NEBL: variants seen among roughly 807,000 people sequenced by gnomAD.
NEBL encodes nebulette, also known as LIM and SH3 protein 2.
NEBL carries 122 observed loss-of-function variants against 140.2 expected under a neutral mutation model. The observed-to-expected ratio is 0.87, with a 90% CI of 0.75 to 1.01. The LOEUF is 1.01. NEBL is among the 50% of genes least tolerant of loss of function. NEBL has a pLI of 0.00. For synonymous variants in NEBL, 436 were observed against 398.9 expected (o/e 1.09, Z -1.11); for missense variants, 1,365 against 1,231.3 (o/e 1.11, Z -1.62).
intron 26 of NEBL, among the ~76,000 whole-genome samples, chr10:20,794,326 T>C (rs1474054610): frequency 6.7e-6 from 1 of 148,300 alleles, no homozygotes; most frequent in East Asian, 2.1e-4. Context: ...TAGACTCTCA[T>C]ATTATCTTTG....
At chr10:21,163,433 C>T (rs1378332795) in intron 2 of NEBL, among the ~76,000 whole-genome samples, 1 of 152,140 alleles carries the variant, frequency 6.6e-6, no homozygotes, top group Non-Finnish European at 1.5e-5. Flanking sequence ...CTGAGGTATG[C>T]GTTTGCTGCA....
chr10:21,012,352 A>ATATT (rs879490264), intron 3 of NEBL, among the ~76,000 whole-genome samples: 3 of 151,704 alleles, frequency 2.0e-5, no homozygotes, highest in Non-Finnish European at 2.9e-5. Flanking sequence ...GTGTATATAT[A>ATATT]TATTTATTTA....
At chr10:21,220,217 T>G (rs1187259761) in intron 3 of NEBL, among the ~76,000 whole-genome samples, 1 of 152,136 alleles carries the variant, frequency 6.6e-6, no homozygotes, top group African/African-American at 2.4e-5. Flanking sequence ...CCGGCGTGAT[T>G]TTTGTATGTT....
chr10:21,161,424 G>T (rs1449410168), intron 2 of NEBL, among the ~76,000 whole-genome samples: 1 of 152,018 alleles, frequency 6.6e-6, no homozygotes, highest in South Asian at 2.1e-4. Flanking sequence ...AACTCACCAT[G>T]CCCCCAACAA....
chr10:20,911,457 A>C (rs1014804818), intron 4 of NEBL, among the ~76,000 whole-genome samples: 20 of 152,220 alleles, frequency 1.3e-4, no homozygotes, highest in African/African-American at 4.8e-4. Context: ...TTATGATTAC[A>C]TTTCAGAAAC....
At chr10:20,832,800 C>T (rs1840540809) in intron 14 of NEBL, among the ~76,000 whole-genome samples, 1 of 152,118 alleles carries the variant, frequency 6.6e-6, no homozygotes, top group Non-Finnish European at 1.5e-5. Flanking sequence ...TCCTATCTTC[C>T]ACTCATAATC....
chr10:20,905,459 A>C (rs765967384), intron 4 of NEBL, among the ~76,000 whole-genome samples: 3 of 152,176 alleles, frequency 2.0e-5, no homozygotes, highest in Non-Finnish European at 4.4e-5. Flanking sequence ...CAGCAAGAGC[A>C]GGGAAAACTG....
At chr10:20,890,437 C>T (rs1233044207) in intron 2 of NEBL, among the ~76,000 whole-genome samples, 1 of 152,180 alleles carries the variant, frequency 6.6e-6, no homozygotes, top group Non-Finnish European at 1.5e-5. Flanking sequence ...ACCGTTATTA[C>T]CTAGACATGC....
chr10:21,124,283 G>A (rs1589258075), intron 2 of NEBL, among the ~76,000 whole-genome samples: 1 of 152,074 alleles, frequency 6.6e-6, no homozygotes, highest in Non-Finnish European at 1.5e-5. Flanking sequence ...ATAATTTAAG[G>A]CAACATCACT....
At chr10:20,883,011 A>G (rs956516593) in intron 4 of NEBL, among the ~76,000 whole-genome samples, 4 of 152,188 alleles carry the variant, frequency 2.6e-5, no homozygotes, top group Non-Finnish European at 5.9e-5. Context: ...CTGTTCCTCC[A>G]GACTCGCAGT....
chr10:20,898,681 G>A (rs1564432254), upstream of NEBL, among the ~76,000 whole-genome samples: 1 of 152,154 alleles, frequency 6.6e-6, no homozygotes, highest in East Asian at 1.9e-4. Flanking sequence ...GAAGTTCTGA[G>A]AAGACCTTCA....
At chr10:21,030,506 G>T in intron 2 of NEBL, 1 of 813,740 alleles carries the variant, frequency 1.2e-6, no homozygotes, top group Non-Finnish European at 2.1e-6. Flanking sequence ...TCCACCAAAG[G>T]AGAATGCTTG....
At chr10:20,894,794 T>C (rs1175193377) in intron 2 of NEBL, among the ~76,000 whole-genome samples, 5 of 149,118 alleles carry the variant, frequency 3.4e-5, no homozygotes, top group Non-Finnish European at 7.4e-5. Flanking sequence ...CCGGGCTTAG[T>C]GGCAGGCGCC....
chr10:21,025,781 C>T (rs1031505459), intron 2 of NEBL, among the ~76,000 whole-genome samples: 4 of 152,176 alleles, frequency 2.6e-5, no homozygotes, highest in Non-Finnish European at 5.9e-5. Flanking sequence ...CTGGCCTCAA[C>T]TTTCTCATCT....
At chr10:21,121,323 C>G (rs1217735472) in intron 2 of NEBL, among the ~76,000 whole-genome samples, 1 of 152,058 alleles carries the variant, frequency 6.6e-6, no homozygotes, top group Non-Finnish European at 1.5e-5. Flanking sequence ...CACGGTCATG[C>G]CAATCCCCGT....
chr10:21,164,591 T>C (rs1840685032), intron 2 of NEBL, among the ~76,000 whole-genome samples: 1 of 152,164 alleles, frequency 6.6e-6, no homozygotes, highest in Non-Finnish European at 1.5e-5. Flanking sequence ...AAATACATCA[T>C]CATAAACAGG....
chr10:20,974,951 A>G (rs537640411), intron 3 of NEBL, among the ~76,000 whole-genome samples: 2 of 152,302 alleles, frequency 1.3e-5, no homozygotes, highest in Non-Finnish European at 2.9e-5. Flanking sequence ...CAGTTCATCT[A>G]TTATCTTGAT....
At chr10:21,009,919 A>G (rs936310020) in intron 3 of NEBL, among the ~76,000 whole-genome samples, 2 of 152,218 alleles carry the variant, frequency 1.3e-5, no homozygotes, top group African/African-American at 4.8e-5. Flanking sequence ...TTAAACATTC[A>G]GGGCACAATA....
intron 1 of NEBL, among the ~76,000 whole-genome samples, chr10:21,291,776 G>A (rs751968451): frequency 9.2e-5 from 14 of 152,032 alleles, no homozygotes; most frequent in East Asian, 5.8e-4. Context: ...TTAGCCAGGC[G>A]TGGTGGTGGA....
Sources: gnomAD v4.1 joint callset for allele counts (sites outside exome capture counted in the v4.1 genomes callset) on GRCh38, gnomAD v4.1.1 for gene constraint, MANE v1.5 for transcripts, NCBI Gene and HGNC (gene_info 2026-07-23, HGNC 2026-07-21) for gene names.